CELF1: variants seen among roughly 807,000 people sequenced by gnomAD.
The protein encoded by CELF1 is CUGBP Elav-like family member 1.
Under a neutral mutation model 61.8 loss-of-function variants are expected in CELF1, and 10 were observed. The observed-to-expected ratio is 0.16, with a 90% CI of 0.10 to 0.27. The LOEUF is 0.27. Among genes scored for constraint, CELF1 ranks in the 10% least tolerant of loss-of-function variants. The pLI, the probability that CELF1 is intolerant of heterozygous loss-of-function variation, is 1.00. For missense variants in CELF1, 380 were observed against 639.1 expected (o/e 0.59, Z 4.37); for synonymous variants, 236 against 225.1 (o/e 1.05, Z -0.43).
chr11:47,477,142 C>G (rs2080602318), intron 11 of CELF1, 155 bp downstream of exon 11: 1 of 934,718 alleles, frequency 1.1e-6, no homozygotes, highest in African/African-American at 1.7e-5. Context: ...GAAGATTTCT[C>G]TTAAGTACAA....
At chr11:47,543,466 TAAAC>T (rs1328611941) in intron 1 of CELF1, among the ~76,000 whole-genome samples, 1 of 152,090 alleles carries the variant, frequency 6.6e-6, no homozygotes, top group African/African-American at 2.4e-5. Flanking sequence ...AAGTGTAAAA[TAAAC>T]AAATATGTAC....
intron 1 of CELF1, among the ~76,000 whole-genome samples, chr11:47,521,314 CA>C (rs2095874652): frequency 6.6e-6 from 1 of 152,082 alleles, no homozygotes; most frequent in East Asian, 1.9e-4. Context: ...TCTGCAAAAC[CA>C]AAATCATATA....
rs1240588860 is a variant in CELF1 at position 47,541,788 on chromosome 11, A to C, written c.-154+11204T>G. Among the ~76,000 whole-genome samples the C allele has an allele frequency of 3.5e-3, 93 of 26,302 alleles. 20 individuals are homozygous for C. The highest frequency in any genetic ancestry group is 8.3e-3 in the African/African-American group (93 of 11,138). 17.3% of individuals were successfully genotyped at this position (26,302 alleles called of 152,430 possible). A position where few individuals can be genotyped will look rare whatever the true frequency, so the allele number is the denominator to read the frequency against. On this transcript the variant is annotated intron_variant, in intron 1 of 14. Coordinates refer to ENST00000687097, the MANE Select transcript of CELF1 (RefSeq NM_001376376.1). ...AAAGAACGAAAGAAAGAACGAAAGA[A>C]AGAACGAAAGAAAGAAAGAAAGAAA...
intron 1 of CELF1, among the ~76,000 whole-genome samples, chr11:47,540,885 A>AAAC (rs138263192): frequency 0.22 from 32,528 of 151,110 alleles, 4,093 homozygotes; most frequent in African/African-American, 0.33. Flanking sequence ...ACTCCATCTC[A>AAAC]AACAACAACA....
intron 1 of CELF1, 35 bp from the exon 2 acceptor site, chr11:47,500,967 C>T: frequency 2.5e-6 from 1 of 397,938 alleles, no homozygotes; most frequent in Admixed American, 4.4e-5. Flanking sequence ...CTACTAAACA[C>T]ACAGAGTTAA....
chr11:47,527,144 T>C (rs1382304710), intron 1 of CELF1, among the ~76,000 whole-genome samples: 1 of 151,838 alleles, frequency 6.6e-6, no homozygotes, highest in African/African-American at 2.4e-5. Context: ...GGCACATTCA[T>C]GTCCCATAAA....
Position 47,506,081 on chromosome 11 carries a change from T to C in CELF1, c.-153-5149A>G, listed in dbSNP as rs372819371. Among the ~76,000 whole-genome samples, 5 of 151,080 alleles carry C rather than the reference T, an allele frequency of 3.3e-5. No individual in the cohort carries two copies. In the East Asian group the frequency reaches 5.8e-4, roughly 18 times the overall value. On this transcript the variant is annotated intron_variant, in intron 1 of 14. Transcript: ENST00000687097. Reference sequence around the variant, plus strand: ...TCCTTGTGCCACACTGGAAGAGGAATTGTCTTAGGCCACAAATAAAATATA... The same window carrying C: ...TCCTTGTGCCACACTGGAAGAGGAACTGTCTTAGGCCACAAATAAAATATA...
intron 1 of CELF1, among the ~76,000 whole-genome samples, chr11:47,514,643 C>A (rs1426127959): frequency 6.7e-6 from 1 of 149,664 alleles, no homozygotes; most frequent in African/African-American, 2.5e-5. Context: ...ATCTCTAGCA[C>A]CCAGGAGTTT....
chr11:47,558,569 A>G (rs1178843091), intron 2 of CELF1, among the ~76,000 whole-genome samples: 2 of 112,850 alleles, frequency 1.8e-5, no homozygotes, highest in African/African-American at 7.6e-5. Flanking sequence ...TATATATAAT[A>G]TATAAATATA....
intron 1 of CELF1, among the ~76,000 whole-genome samples, chr11:47,531,633 T>G (rs533714159): frequency 6.6e-6 from 1 of 152,156 alleles, no homozygotes; most frequent in Non-Finnish European, 1.5e-5. Flanking sequence ...CTCACTTTTG[T>G]ATAGATATAC....
At chr11:47,483,607 G>A in intron 7 of CELF1, 75 bp from the exon 8 acceptor site, 2 of 1,087,260 alleles carry the variant, frequency 1.8e-6, no homozygotes, top group Non-Finnish European at 2.8e-6. Flanking sequence ...CCTACTATGT[G>A]CTGACTATCA....
intron 1 of CELF1, among the ~76,000 whole-genome samples, chr11:47,511,900 G>C (rs2153606417): frequency 6.6e-6 from 1 of 152,270 alleles, no homozygotes; most frequent in Admixed American, 6.5e-5. Flanking sequence ...CCAGGCTGAA[G>C]TGAAGTGGCA....
At chr11:47,489,941 T>TTTTTG (rs2090419068) in intron 3 of CELF1, among the ~76,000 whole-genome samples, 1 of 109,424 alleles carries the variant, frequency 9.1e-6, no homozygotes, top group African/African-American at 3.8e-5. Context: ...TCTTGTTTTT[T>TTTTTG]TTTTTTTTTT....
At chr11:47,499,166 A>C (rs1211421345) in intron 3 of CELF1, among the ~76,000 whole-genome samples, 1 of 152,240 alleles carries the variant, frequency 6.6e-6, no homozygotes, top group African/African-American at 2.4e-5. Flanking sequence ...AATCTATCAT[A>C]TAGGAAAACA....
At chr11:47,484,558 C>T (rs1291804254) in intron 6 of CELF1, 35 bp from the exon 7 acceptor site, 3 of 1,584,974 alleles carry the variant, frequency 1.9e-6, no homozygotes, top group Non-Finnish European at 2.6e-6. Context: ...TTGAATATTA[C>T]TACTTAAAGA....
At chr11:47,485,877 T>C (rs1291471424) in intron 6 of CELF1, among the ~76,000 whole-genome samples, 1 of 145,454 alleles carries the variant, frequency 6.9e-6, no homozygotes, top group African/African-American at 2.5e-5. Flanking sequence ...TCTTGAGAAT[T>C]AAGGCCAGGC....
At chr11:47,563,491 GC>G (rs1302170342) in intron 2 of CELF1, among the ~76,000 whole-genome samples, 1 of 152,148 alleles carries the variant, frequency 6.6e-6, no homozygotes, top group Admixed American at 6.6e-5. Context: ...TTCAAGAGCA[GC>G]CCGGCCAACA....
At chr11:47,521,738 A>C (rs955191518) in intron 1 of CELF1, among the ~76,000 whole-genome samples, 1 of 152,222 alleles carries the variant, frequency 6.6e-6, no homozygotes, top group African/African-American at 2.4e-5. Flanking sequence ...AATGAGTCCC[A>C]AAAAATTTCA....
intron 3 of CELF1, among the ~76,000 whole-genome samples, chr11:47,492,030 T>G (rs1288600528): frequency 2.0e-5 from 3 of 152,200 alleles, no homozygotes; most frequent in Non-Finnish European, 4.4e-5. Flanking sequence ...CAGGCTGGAG[T>G]GCAGTGGCAT....
Sources: allele counts gnomAD v4.1 joint callset (sites outside exome capture counted in the v4.1 genomes callset), GRCh38; gene constraint gnomAD v4.1.1; transcripts MANE v1.5; gene names NCBI Gene and HGNC (gene_info 2026-07-23, HGNC 2026-07-21).